GRK3: variants seen among roughly 807,000 people sequenced by gnomAD.
The protein encoded by GRK3 is G protein-coupled receptor kinase 3.
GRK3 carries 54 observed loss-of-function variants against 95.7 expected under a neutral mutation model. That is an observed-to-expected ratio of 0.56 (90% CI 0.45 to 0.71). GRK3 has a LOEUF of 0.71. Ranked by LOEUF, GRK3 falls within the 30% of genes least tolerant of loss-of-function variation. The pLI is 0.00. For missense variants in GRK3, 649 were observed against 851.2 expected (o/e 0.76, Z 2.96); for synonymous variants, 281 against 290.8 (o/e 0.97, Z 0.34).
intron 3 of GRK3, among the ~76,000 whole-genome samples, chr22:25,661,187 C>T (rs2084906849): frequency 6.6e-6 from 1 of 152,184 alleles, no homozygotes; most frequent in African/African-American, 2.4e-5. Context: ...TGAGAACATT[C>T]CCTATCCTAA....
chr22:25,571,961 A>T (rs1931713771), intron 1 of GRK3, among the ~76,000 whole-genome samples: 1 of 152,024 alleles, frequency 6.6e-6, no homozygotes, highest in South Asian at 2.1e-4. Flanking sequence ...GCACCCATTA[A>T]CTTGTCATTT....
In GRK3 at chr22:25,718,756, C is replaced by T. The variant is rs111308638; in HGVS notation, c.1791+375C>T. Among the ~76,000 whole-genome samples the T allele has an allele frequency of 8.2e-3, 1,249 of 152,356 alleles. 8 individuals carry two copies. The highest frequency in any genetic ancestry group is 0.015 in the Admixed American group (234 of 15,312). ...TGGGACTTTGAACACGTCACATTGA[C>T]TCTCTCAGCCTCCGTTTTCTCATCT... is the stretch of plus-strand genomic sequence containing the variant. On this transcript the variant is annotated intron_variant, in intron 19 of 20. Transcript: ENST00000324198.
chr22:25,605,211 C>T (rs1159652949), intron 2 of GRK3, among the ~76,000 whole-genome samples: 5 of 152,130 alleles, frequency 3.3e-5, no homozygotes, highest in South Asian at 2.1e-4. Flanking sequence ...AAAAGGTGGA[C>T]GGAGTGGTTT....
chr22:25,648,492 A>T, intron 3 of GRK3: 1 of 1,430,324 alleles, frequency 7.0e-7, no homozygotes, highest in Non-Finnish European at 9.8e-7. Flanking sequence ...GGGAATATGG[A>T]ATGGAACCAC....
At position 25,592,944 on chromosome 22, in the gene GRK3, A is replaced by C. The variant is rs1569156753; in HGVS notation, c.114-11433A>C. 2.0e-5 allele frequency among the ~76,000 whole-genome samples: 3 copies of C among 152,236 alleles called. No individual in the cohort carries two copies. The East Asian group carries it at 5.8e-4, about 29-fold the overall frequency. Reference sequence around the variant, plus strand: ...TTTCTGTTCCTGTGTTAATTTGCTTAGGATAATCACCTACCGCTGCATTCA... The same window carrying C: ...TTTCTGTTCCTGTGTTAATTTGCTTCGGATAATCACCTACCGCTGCATTCA... On this transcript the variant is annotated intron_variant, in intron 1 of 20. Coordinates refer to ENST00000324198, the MANE Select transcript of GRK3 (RefSeq NM_005160.4).
rs566096196 is a variant in GRK3, at chr22:25,654,978, T to C, written c.265-6598T>C. Among the ~76,000 whole-genome samples, 106 of 152,294 alleles carry C rather than the reference T, an allele frequency of 7.0e-4. 1 individual carries two copies. The highest frequency in any genetic ancestry group is 6.3e-3 in the Admixed American group (97 of 15,302). On this transcript the variant is annotated intron_variant, in intron 3 of 20. Coordinates refer to ENST00000324198, the MANE Select transcript of GRK3 (RefSeq NM_005160.4). ...CTTTGGCTGAAGATATCCTCCACTCTTGGGGCTCAAGTGCATTTCTCTAAG... is the reference window on the plus strand; with the variant it reads ...CTTTGGCTGAAGATATCCTCCACTCCTGGGGCTCAAGTGCATTTCTCTAAG...
intron 19 of GRK3, among the ~76,000 whole-genome samples, chr22:25,720,999 T>C (rs1233158752): frequency 6.6e-6 from 1 of 152,226 alleles, no homozygotes. Context: ...GCAAGTAGGC[T>C]TGCGATTCAT....
At chr22:25,708,598 A>C (rs2085318795) in intron 15 of GRK3, among the ~76,000 whole-genome samples, 1 of 151,932 alleles carries the variant, frequency 6.6e-6, no homozygotes, top group Non-Finnish European at 1.5e-5. Flanking sequence ...GAGAGATAGA[A>C]AGTCAGTGGC....
chr22:25,669,663 CAAAT>C (rs1360364340), intron 6 of GRK3, among the ~76,000 whole-genome samples: 1 of 152,202 alleles, frequency 6.6e-6, no homozygotes, highest in Non-Finnish European at 1.5e-5. Flanking sequence ...GAATAGCACT[CAAAT>C]AACCCCCGTG....
chr22:25,709,841 A>G, intron 15 of GRK3, 57 bp from the exon 16 acceptor site: 2 of 1,337,720 alleles, frequency 1.5e-6, no homozygotes, highest in South Asian at 1.2e-5. Flanking sequence ...GTTTTGCACA[A>G]TATTTATTAC....
At chr22:25,632,051 A>G (rs2084667928) in intron 2 of GRK3, among the ~76,000 whole-genome samples, 1 of 152,214 alleles carries the variant, frequency 6.6e-6, no homozygotes, top group Non-Finnish European at 1.5e-5. Context: ...ATAAGAGCAT[A>G]CATTTTTATT....
At chr22:25,569,705 C>CTAGTATTAA (rs1931616539) in intron 1 of GRK3, among the ~76,000 whole-genome samples, 1 of 152,150 alleles carries the variant, frequency 6.6e-6, no homozygotes. Context: ...GGACGCCTGG[C>CTAGTATTAA]CTCCCTAGGG....
At chr22:25,651,976 T>C (rs1386146491) in intron 3 of GRK3, among the ~76,000 whole-genome samples, 3 of 152,222 alleles carry the variant, frequency 2.0e-5, no homozygotes, top group Non-Finnish European at 4.4e-5. Flanking sequence ...AAACTTAATA[T>C]TTTTATAAAG....
chr22:25,620,779 A>G (rs6004723), intron 2 of GRK3, among the ~76,000 whole-genome samples: 16,004 of 152,184 alleles, frequency 0.11, 2,711 homozygotes, highest in African/African-American at 0.36. Context: ...TTCAGTTGAC[A>G]GCACCGTTTG....
chr22:25,594,320 A>T (rs1458150659), intron 1 of GRK3, among the ~76,000 whole-genome samples: 2 of 152,134 alleles, frequency 1.3e-5, no homozygotes, highest in Admixed American at 1.3e-4. Context: ...GAAAAAAGTC[A>T]AGGAGGAGGG....
intron 8 of GRK3, among the ~76,000 whole-genome samples, chr22:25,678,091 A>G (rs2085046104): frequency 6.6e-6 from 1 of 152,196 alleles, no homozygotes; most frequent in East Asian, 1.9e-4. Context: ...TTTTGAATTC[A>G]TGCCTTCCCT....
At position 25,685,224 on chromosome 22, in the gene GRK3, T is replaced by C. The variant is rs1569194285; in HGVS notation, c.802T>C (p.Cys268Arg). The change falls in exon 10 of 21, where the codon TGC (cysteine) becomes CGC (arginine). Residue 268 changes from cysteine (C) to arginine (R), a missense_variant. Cys to Arg is a radical substitution (Grantham distance 180, BLOSUM62 -3). Around this residue, in one of 3 missense-constraint regions of GRK3, gnomAD observed 61 missense variants for 126.0 expected, o/e 0.48. Transcript: ENST00000324198. The part of the protein sequence containing the change: ...TYAFHTPDKL[C>R]FILDLMNGGD... ...TGCCTTCCATACCCCAGATAAACTC[T>C]GCTTCATCCTGGATCTGATGAACGG... 6.2e-7 allele frequency: 1 copy of C among 1,613,310 alleles called. No homozygotes were observed. Among genetic ancestry groups the C allele is most frequent in the African/African-American group, 1.3e-5 (1 of 74,918 alleles).
At chr22:25,594,943 T>C (rs2084362398) in intron 1 of GRK3, among the ~76,000 whole-genome samples, 1 of 151,822 alleles carries the variant, frequency 6.6e-6, no homozygotes, top group South Asian at 2.1e-4. Context: ...TCAATAGACG[T>C]GGAAAAAGCT....
intron 9 of GRK3, among the ~76,000 whole-genome samples, chr22:25,682,322 G>A (rs948814263): frequency 3.3e-5 from 5 of 152,142 alleles, no homozygotes; most frequent in Non-Finnish European, 7.4e-5. Context: ...GTCCATATGG[G>A]ACCCATCTGG....
Sources: allele counts gnomAD v4.1 joint callset (sites outside exome capture counted in the v4.1 genomes callset), GRCh38; gene constraint gnomAD v4.1.1; regional missense constraint gnomAD v4.1.1; transcripts MANE v1.5; gene names NCBI Gene and HGNC (gene_info 2026-07-23, HGNC 2026-07-21).